Variants in BDNF observed in about 807,000 individuals in gnomAD.
BDNF encodes the protein neurotrophic factor BDNF precursor form.
BDNF carries 1 observed loss-of-function variant against 19.5 expected under a neutral mutation model. That is an observed-to-expected ratio of 0.05 (90% CI 0.02 to 0.24). The LOEUF (loss-of-function observed/expected upper bound fraction) is 0.24. Among genes scored for constraint, BDNF ranks in the 10% least tolerant of loss-of-function variants. The pLI is 1.00. For synonymous variants in BDNF, 100 were observed against 121.6 expected (o/e 0.82, Z 1.17); for missense variants, 195 against 317.6 (o/e 0.61, Z 2.93).
intron 1 of BDNF, chr11:27,676,914 T>G (rs996849840): frequency 6.6e-6 from 1 of 152,224 alleles, no homozygotes; most frequent in Non-Finnish European, 1.5e-5. Flanking sequence ...AAAAACACTG[T>G]TGTGCTCTTT....
intron 1 of BDNF, among the ~76,000 whole-genome samples, chr11:27,693,531 C>T (rs557873207): frequency 5.9e-5 from 9 of 152,176 alleles, no homozygotes; most frequent in Non-Finnish European, 1.3e-4. Flanking sequence ...TGCCTTCAGA[C>T]ACATTATCAG....
rs67977614 is a variant in BDNF, at chr11:27,708,825, C to CTT, written c.3+12585_3+12586dup. On this transcript the variant is annotated intron_variant, in intron 1 of 1. Coordinates refer to the BDNF transcript ENST00000314915. ...AGATATAATTAATTTTAGAATTCCTCTTTTTTTTTTTTTTTTTTTTTGATA... is the reference window on the plus strand; with the variant it reads ...AGATATAATTAATTTTAGAATTCCTCTTTTTTTTTTTTTTTTTTTTTTTGATA... 8.5e-3 allele frequency among the ~76,000 whole-genome samples: 953 copies of CTT among 112,426 alleles called. 40 individuals carry two copies. The highest frequency in any genetic ancestry group is 0.032 in the South Asian group (106 of 3,350). 73.8% of individuals were successfully genotyped at this position (112,426 alleles called of 152,430 possible). A position where few individuals can be genotyped will look rare whatever the true frequency, so the allele number is the denominator to read the frequency against.
At chr11:27,716,149 AG>A (rs1033219005) in intron 1 of BDNF, among the ~76,000 whole-genome samples, 2 of 152,218 alleles carry the variant, frequency 1.3e-5, no homozygotes, top group Non-Finnish European at 2.9e-5. Context: ...CACTTGTTAA[AG>A]CAGCAGCTCT....
chr11:27,716,456 G>GACAC (rs61227267), intron 1 of BDNF, among the ~76,000 whole-genome samples: 13,785 of 146,536 alleles, frequency 0.094, 739 homozygotes, highest in South Asian at 0.23. Flanking sequence ...CACACACACA[G>GACAC]ACACACACAC....
At chr11:27,692,936 C>A (rs2134029206) in intron 1 of BDNF, among the ~76,000 whole-genome samples, 1 of 152,244 alleles carries the variant, frequency 6.6e-6, no homozygotes, top group South Asian at 2.1e-4. Context: ...TTTTACTAAT[C>A]CTTCACAGTT....
At chr11:27,661,388 C>G (rs1853418012) in intron 1 of BDNF, among the ~76,000 whole-genome samples, 1 of 152,202 alleles carries the variant, frequency 6.6e-6, no homozygotes, top group Admixed American at 6.5e-5. Flanking sequence ...TCAAGTTTGA[C>G]AATATATTTC....
chr11:27,701,581 C>T (rs557440317), upstream of BDNF: 3 of 986,158 alleles, frequency 3.0e-6, no homozygotes, highest in African/African-American at 1.7e-5. Flanking sequence ...GCTAGTTCGC[C>T]GGGGGGAGCG....
At chr11:27,703,548 C>T (rs1479751200), upstream of BDNF, among the ~76,000 whole-genome samples, 3 of 152,214 alleles carry the variant, frequency 2.0e-5, no homozygotes, top group African/African-American at 7.2e-5. Flanking sequence ...CACATTGGCA[C>T]GTCAGCATTT....
intron 1 of BDNF, among the ~76,000 whole-genome samples, chr11:27,673,718 G>A (rs1024602238): frequency 1.3e-5 from 2 of 152,162 alleles, no homozygotes; most frequent in African/African-American, 4.8e-5. Flanking sequence ...TTAGTTATCT[G>A]AGCAATTTCC....
upstream of BDNF, among the ~76,000 whole-genome samples, chr11:27,704,684 C>T (rs1215872597): frequency 6.6e-6 from 1 of 152,190 alleles, no homozygotes; most frequent in East Asian, 1.9e-4. Context: ...CAGGTGTTTT[C>T]AAACTCATCC....
intron 1 of BDNF, chr11:27,720,645 T>C (rs1027871208): frequency 3.1e-5 from 31 of 985,340 alleles, no homozygotes; most frequent in Non-Finnish European, 3.7e-5. Flanking sequence ...GAAGACTACC[T>C]GGGGGTACCG....
upstream of BDNF, chr11:27,701,233 A>G: frequency 8.5e-7 from 1 of 1,179,490 alleles, no homozygotes; most frequent in African/African-American, 1.6e-5. Context: ...ACCTCGCTAA[A>G]GCCACACGCT....
At chr11:27,688,608 G>A (rs1237864726) in intron 1 of BDNF, among the ~76,000 whole-genome samples, 1 of 152,228 alleles carries the variant, frequency 6.6e-6, no homozygotes, top group Non-Finnish European at 1.5e-5. Flanking sequence ...ATCTGGGCCA[G>A]ATAGCACTGT....
chr11:27,685,585 C>T (rs1318719194), intron 1 of BDNF, among the ~76,000 whole-genome samples: 1 of 152,140 alleles, frequency 6.6e-6, no homozygotes, highest in Non-Finnish European at 1.5e-5. Flanking sequence ...CCCAGAGATT[C>T]TGGTATGTTG....
At chr11:27,664,303 T>C (rs1590248254) in intron 1 of BDNF, among the ~76,000 whole-genome samples, 1 of 152,208 alleles carries the variant, frequency 6.6e-6, no homozygotes, top group Non-Finnish European at 1.5e-5. Context: ...CTTCCTTTTG[T>C]TCATTCATTC....
intron 1 of BDNF, among the ~76,000 whole-genome samples, chr11:27,681,019 C>T (rs1404096275): frequency 6.6e-6 from 1 of 152,178 alleles, no homozygotes; most frequent in East Asian, 1.9e-4. Flanking sequence ...TCAGATTAAC[C>T]TCTCCTCTTT....
chr11:27,712,432 A>T (rs148047864), intron 1 of BDNF, among the ~76,000 whole-genome samples: 116 of 152,292 alleles, frequency 7.6e-4, no homozygotes, highest in African/African-American at 1.9e-3. Context: ...TATATCACAC[A>T]ATATATTATT....
chr11:27,717,610 A>G (rs1860564473), intron 1 of BDNF, among the ~76,000 whole-genome samples: 1 of 152,230 alleles, frequency 6.6e-6, no homozygotes, highest in African/African-American at 2.4e-5. Flanking sequence ...GGGGTATAAA[A>G]GTAGGCTAGG....
At chr11:27,664,253 T>A (rs1853942140) in intron 1 of BDNF, among the ~76,000 whole-genome samples, 1 of 152,150 alleles carries the variant, frequency 6.6e-6, no homozygotes, top group Non-Finnish European at 1.5e-5. Context: ...TATTTAAAAA[T>A]TTTTAATTTG....
Sources: gnomAD v4.1 joint callset for allele counts (sites outside exome capture counted in the v4.1 genomes callset) on GRCh38, gnomAD v4.1.1 for gene constraint, MANE v1.5 for transcripts, NCBI Gene and HGNC (gene_info 2026-07-23, HGNC 2026-07-21) for gene names.